Variants in UBE2H observed in about 807,000 individuals in gnomAD.
UBE2H encodes the protein ubiquitin-conjugating enzyme E2 H.
Under a neutral mutation model 29.0 loss-of-function variants are expected in UBE2H, and 3 were observed. That is an observed-to-expected ratio of 0.10 (90% confidence interval 0.05 to 0.27). The LOEUF (loss-of-function observed/expected upper bound fraction) is 0.27. Among genes scored for constraint, UBE2H ranks in the 10% least tolerant of loss-of-function variants. The pLI is 1.00. For missense variants in UBE2H, 68 were observed against 228.2 expected, an observed-to-expected ratio of 0.30 and a Z score of 4.52; for synonymous variants, 69 against 82.9, an observed-to-expected ratio of 0.83 and a Z score of 0.91.
chr7:129,946,941 A>T (rs1015445469), intron 1 of UBE2H, among the ~76,000 whole-genome samples: 1 of 152,230 alleles, frequency 6.6e-6, no homozygotes, highest in African/African-American at 2.4e-5. Context: ...TAAAAATCCA[A>T]TGATTCTTGG....
intron 3 of UBE2H, among the ~76,000 whole-genome samples, chr7:129,863,437 A>C (rs1249098489): frequency 6.6e-6 from 1 of 152,198 alleles, no homozygotes; most frequent in Non-Finnish European, 1.5e-5. Flanking sequence ...CAAATAGTTG[A>C]ACTATATGAT....
intron 1 of UBE2H, among the ~76,000 whole-genome samples, chr7:129,920,775 C>T (rs1294356542): frequency 6.9e-6 from 1 of 145,580 alleles, no homozygotes; most frequent in African/African-American, 2.6e-5. Flanking sequence ...TTATTTTATT[C>T]CACATATTTG....
At position 129,831,855 on chromosome 7, in the gene UBE2H, A is replaced by T. The variant is rs1805233948; in HGVS notation, c.*3082T>A. 1 of 152,246 alleles carries T rather than the reference A, an allele frequency of 6.6e-6. No individual in the cohort carries two copies. Among genetic ancestry groups the T allele is most frequent in the South Asian group, 2.1e-4 (1 of 4,828 alleles). 9.4% of individuals were successfully genotyped at this position (152,246 alleles called of 1,614,324 possible). A position where few individuals can be genotyped will look rare whatever the true frequency, so the allele number is the denominator to read the frequency against. On this transcript the variant is annotated 3_prime_UTR_variant, in exon 7 of 7. Transcript: ENST00000355621. ...CCATCTTGCTTGTTGGTGTTTGGCAAGAGCTTGAGCTCAGTTATGTGAACA... is the reference window on the plus strand; with the variant it reads ...CCATCTTGCTTGTTGGTGTTTGGCATGAGCTTGAGCTCAGTTATGTGAACA...
chr7:129,908,657 T>A (rs1464889828), intron 1 of UBE2H, among the ~76,000 whole-genome samples: 2 of 152,238 alleles, frequency 1.3e-5, no homozygotes, highest in African/African-American at 4.8e-5. Flanking sequence ...ACTGTCTGCA[T>A]AGGTTCAATC....
intron 1 of UBE2H, among the ~76,000 whole-genome samples, chr7:129,896,873 C>A (rs1041450279): frequency 6.6e-6 from 1 of 152,094 alleles, no homozygotes; most frequent in Non-Finnish European, 1.5e-5. Context: ...TTAAATTTTA[C>A]GAGGAAATAT....
chr7:129,920,848 C>CAAAAAAAAAAAAA (rs11347186), intron 1 of UBE2H, among the ~76,000 whole-genome samples: 4 of 73,982 alleles, frequency 5.4e-5, no homozygotes, highest in Non-Finnish European at 7.7e-5. Context: ...TAGAAAAAGT[C>CAAAAAAAAAAAAA]AAAAAAAAAA....
chr7:129,944,066 C>T (rs999520303), intron 1 of UBE2H, among the ~76,000 whole-genome samples: 8 of 152,054 alleles, frequency 5.3e-5, no homozygotes, highest in Non-Finnish European at 1.0e-4. Context: ...CTTTAAAATA[C>T]ACAAGTGAGG....
intron 1 of UBE2H, among the ~76,000 whole-genome samples, chr7:129,950,749 C>T (rs930687009): frequency 2.6e-5 from 4 of 152,268 alleles, no homozygotes; most frequent in African/African-American, 9.6e-5. Context: ...TTCCTAGTTT[C>T]TAAACAAAAA....
chr7:129,936,384 G>T (rs1468284505), intron 1 of UBE2H, among the ~76,000 whole-genome samples: 2 of 152,042 alleles, frequency 1.3e-5, no homozygotes, highest in African/African-American at 4.8e-5. Flanking sequence ...CACGAGGTCA[G>T]GAGATCGAGA....
chr7:129,937,504 G>T (rs1328232717), intron 1 of UBE2H, among the ~76,000 whole-genome samples: 1 of 152,110 alleles, frequency 6.6e-6, no homozygotes, highest in Non-Finnish European at 1.5e-5. Flanking sequence ...CCAAGAGAAA[G>T]AACTGGTTAC....
chr7:129,848,544 T>C (rs998360328), intron 5 of UBE2H, among the ~76,000 whole-genome samples: 1 of 152,238 alleles, frequency 6.6e-6, no homozygotes, highest in Non-Finnish European at 1.5e-5. Flanking sequence ...TGATTCCCTC[T>C]GTGACTTACA....
At chr7:129,857,085 G>T (rs1200801227) in intron 5 of UBE2H, 1 of 155,774 alleles carries the variant, frequency 6.4e-6, no homozygotes, top group Non-Finnish European at 1.4e-5. Context: ...AGGAGGTTTT[G>T]GTCTTTGAAA....
Position 129,880,975 on chromosome 7 carries a change from A to C in UBE2H, c.54-4T>G, listed in dbSNP as rs761672989. On this transcript the variant is annotated splice_polypyrimidine_tract_variant and splice_region_variant and intron_variant, in intron 1 of 6. Coordinates refer to ENST00000355621, the MANE Select transcript of UBE2H (RefSeq NM_003344.4). Reference sequence around the variant, plus strand: ...AACCTCATGTTTACTCTCGATGCTAAGGTGGACGGTAAAGGAAATTACACA... The same window carrying C: ...AACCTCATGTTTACTCTCGATGCTACGGTGGACGGTAAAGGAAATTACACA... The C allele has an allele frequency of 2.5e-6, 4 of 1,612,232 alleles. No individual in the cohort carries two copies. The highest frequency in any genetic ancestry group is 3.4e-6 in the Non-Finnish European group (4 of 1,179,410).
intron 1 of UBE2H, among the ~76,000 whole-genome samples, chr7:129,881,642 A>G (rs1222276349): frequency 1.3e-5 from 2 of 152,116 alleles, no homozygotes; most frequent in Non-Finnish European, 2.9e-5. Flanking sequence ...GGTGAGACTC[A>G]GTCTCAAAAA....
At chr7:129,932,317 GT>G (rs1333829019) in intron 1 of UBE2H, among the ~76,000 whole-genome samples, 2 of 149,760 alleles carry the variant, frequency 1.3e-5, no homozygotes, top group Non-Finnish European at 3.0e-5. Context: ...TAGAGATGGG[GT>G]TTCACTGTGT....
intron 1 of UBE2H, among the ~76,000 whole-genome samples, chr7:129,931,836 C>CTTTTTTTTTTTTTTTT (rs372552075): frequency 7.6e-6 from 1 of 131,312 alleles, no homozygotes; most frequent in Admixed American, 7.9e-5. Context: ...TTCTACTTTG[C>CTTTTTTTTTTTTTTTT]TTTTTTTTTT....
rs546162081 is a variant in UBE2H, at chr7:129,915,741, C to T, written c.54-34770G>A. 3.9e-5 allele frequency among the ~76,000 whole-genome samples: 6 copies of T among 152,254 alleles called. No homozygotes were observed. The South Asian group carries it at 6.2e-4, about 16-fold the overall frequency. Reference sequence around the variant, plus strand: ...TACCTGTGGCCAAAGCAAAAGCAAACGGGCTAAGTGGCCCAGACCCTCCTA... The same window carrying T: ...TACCTGTGGCCAAAGCAAAAGCAAATGGGCTAAGTGGCCCAGACCCTCCTA... On this transcript the variant is annotated intron_variant, in intron 1 of 6. Coordinates refer to ENST00000355621, the MANE Select transcript of UBE2H (RefSeq NM_003344.4).
chr7:129,890,309 G>GT (rs758414148), intron 1 of UBE2H, among the ~76,000 whole-genome samples: 1 of 150,846 alleles, frequency 6.6e-6, no homozygotes, highest in Non-Finnish European at 1.5e-5. Flanking sequence ...ATACATACGT[G>GT]TATATATGTA....
chr7:129,908,882 A>C (rs1351058059), intron 1 of UBE2H, among the ~76,000 whole-genome samples: 1 of 152,200 alleles, frequency 6.6e-6, no homozygotes, highest in Non-Finnish European at 1.5e-5. Flanking sequence ...GATGTTCTCT[A>C]CTGCAGATCT....
Sources: allele counts gnomAD v4.1 joint callset (sites outside exome capture counted in the v4.1 genomes callset), GRCh38; gene constraint gnomAD v4.1.1; transcripts MANE v1.5; gene names NCBI Gene and HGNC (gene_info 2026-07-23, HGNC 2026-07-21).